The following DENND1A variants were observed in gnomAD, a reference collection of about 807,000 sequenced individuals.
DENND1A encodes the protein DENN domain-containing protein 1A.
DENND1A carries 51 observed loss-of-function variants against 113.7 expected under a neutral mutation model. The observed-to-expected ratio is 0.45, with a 90% CI of 0.36 to 0.57. The LOEUF (loss-of-function observed/expected upper bound fraction) is 0.57. Ranked by LOEUF, DENND1A falls within the 20% of genes least tolerant of loss-of-function variation. The pLI is 0.00. For synonymous variants in DENND1A, 565 were observed against 570.8 expected, an observed-to-expected ratio of 0.99 and a Z score of 0.14; for missense variants, 1,258 against 1,395.9, an observed-to-expected ratio of 0.90 and a Z score of 1.57.
chr9:123,626,312 C>T (rs551969297), intron 10 of DENND1A, among the ~76,000 whole-genome samples: 42 of 151,556 alleles, frequency 2.8e-4, no homozygotes, highest in Non-Finnish European at 4.4e-4. Context: ...TGAAGGTGGG[C>T]GCGTCTGTGT....
At chr9:123,877,114 C>A (rs1013940106) in intron 2 of DENND1A, among the ~76,000 whole-genome samples, 1 of 152,114 alleles carries the variant, frequency 6.6e-6, no homozygotes, top group Non-Finnish European at 1.5e-5. Context: ...GTGATGGGTA[C>A]ACTAAAAGCC....
chr9:123,604,882 A>G (rs1277188175), intron 11 of DENND1A, among the ~76,000 whole-genome samples: 1 of 152,216 alleles, frequency 6.6e-6, no homozygotes, highest in East Asian at 1.9e-4. Context: ...GAAGGCCACT[A>G]AAGAAGTAAA....
At chr9:123,514,828 T>C (rs2053764893) in intron 13 of DENND1A, among the ~76,000 whole-genome samples, 1 of 152,052 alleles carries the variant, frequency 6.6e-6, no homozygotes, top group Non-Finnish European at 1.5e-5. Context: ...TAATACCAAG[T>C]AGGAATGAGT....
intron 13 of DENND1A, among the ~76,000 whole-genome samples, chr9:123,512,012 A>G (rs2053498707): frequency 6.6e-6 from 1 of 152,212 alleles, no homozygotes; most frequent in Admixed American, 6.5e-5. Flanking sequence ...AAAGGGAGAG[A>G]GGAGAAGAAT....
intron 19 of DENND1A, among the ~76,000 whole-genome samples, chr9:123,412,755 C>T (rs1042278479): frequency 1.4e-4 from 22 of 152,294 alleles, no homozygotes; most frequent in African/African-American, 5.3e-4. Context: ...TAAAAATTCA[C>T]GCGAGACCCA....
intron 12 of DENND1A, among the ~76,000 whole-genome samples, chr9:123,581,620 G>A (rs1172359895): frequency 1.3e-5 from 2 of 149,040 alleles, no homozygotes; most frequent in African/African-American, 5.0e-5. Context: ...GCCAGACACT[G>A]TTTCAAAAAA....
intron 8 of DENND1A, among the ~76,000 whole-genome samples, chr9:123,655,187 A>G (rs943763307): frequency 1.3e-5 from 2 of 152,136 alleles, no homozygotes; most frequent in African/African-American, 4.8e-5. Context: ...GTTCTCCTGT[A>G]TGCTTCCATT....
At chr9:123,629,150 C>A (rs145451306) in intron 10 of DENND1A, among the ~76,000 whole-genome samples, 1 of 152,184 alleles carries the variant, frequency 6.6e-6, no homozygotes. Context: ...GAATGGAGAT[C>A]CCAGCAAAAG....
intron 12 of DENND1A, among the ~76,000 whole-genome samples, chr9:123,577,000 G>C (rs914832624): frequency 6.6e-6 from 1 of 151,822 alleles, no homozygotes; most frequent in African/African-American, 2.4e-5. Context: ...TGAGCTTCTT[G>C]GAGCTCTGAG....
At chr9:123,525,748 T>C (rs886962226) in intron 13 of DENND1A, among the ~76,000 whole-genome samples, 4 of 146,390 alleles carry the variant, frequency 2.7e-5, no homozygotes, top group African/African-American at 1.0e-4. Context: ...ACCCAGCTAG[T>C]GCAGTCTACC....
chr9:123,730,594 A>T (rs1175292954), intron 5 of DENND1A, among the ~76,000 whole-genome samples: 1 of 152,232 alleles, frequency 6.6e-6, no homozygotes, highest in Non-Finnish European at 1.5e-5. Context: ...ATCATTAAAA[A>T]GTCAGGAAAC....
intron 3 of DENND1A, among the ~76,000 whole-genome samples, chr9:123,780,366 T>C (rs1831123419): frequency 6.6e-6 from 1 of 152,164 alleles, no homozygotes; most frequent in African/African-American, 2.4e-5. Flanking sequence ...CCCCAGAGTA[T>C]CTGGCACAGA....
Position 123,457,846 on chromosome 9 carries a change from C to G in DENND1A, c.1045G>C (p.Gly349Arg). 6.2e-7 allele frequency: 1 copy of G among 1,612,792 alleles called. No individual in the cohort carries two copies. Among genetic ancestry groups the G allele is most frequent in the Non-Finnish European group, 8.5e-7 (1 of 1,179,488 alleles). The change falls in exon 14 of 24, where the codon GGA becomes CGA. Residue 349 changes from glycine to arginine, a missense_variant. Transcript: ENST00000394215. ...EEAFVSHYRS[G>R]AMRQFLQNAT... is the part of the protein sequence containing the mutation. ...TTCTGCAGGAACTGCCTCATGGCTCCGGAGCGGTAGTGGGACACGAAGGCT... is the reference window on the plus strand; with the variant it reads ...TTCTGCAGGAACTGCCTCATGGCTCGGGAGCGGTAGTGGGACACGAAGGCT...
At chr9:123,428,178 G>C (rs910433514) in intron 19 of DENND1A, among the ~76,000 whole-genome samples, 4 of 152,080 alleles carry the variant, frequency 2.6e-5, no homozygotes, top group African/African-American at 9.7e-5. Context: ...AACGAATCCA[G>C]CAGCACATCA....
intron 13 of DENND1A, among the ~76,000 whole-genome samples, chr9:123,523,673 G>A (rs1403853987): frequency 6.6e-6 from 1 of 152,206 alleles, no homozygotes; most frequent in African/African-American, 2.4e-5. Flanking sequence ...AAGAGCGAAG[G>A]CCAGAAATGT....
At chr9:123,527,512 T>C (rs1480074519) in intron 13 of DENND1A, among the ~76,000 whole-genome samples, 2 of 152,152 alleles carry the variant, frequency 1.3e-5, no homozygotes, top group African/African-American at 4.8e-5. Context: ...CTGGAGGATG[T>C]TCCCTCTCAC....
At position 123,473,993 on chromosome 9, in the gene DENND1A, T is replaced by C. The variant is rs1291360841; in HGVS notation, c.994-16096A>G. On this transcript the variant is annotated intron_variant, in intron 13 of 23. Transcript: ENST00000394215. ...GTAACGTTTACTTTCTTTCTTTTTT[T>C]TTTTTTTTTTTTTTTTTTTGAGATG... Among the ~76,000 whole-genome samples, 555 of 132,626 alleles carry C rather than the reference T, an allele frequency of 4.2e-3. 3 individuals carry two copies. The highest frequency in any genetic ancestry group is 0.023 in the East Asian group (103 of 4,544). 87.0% of individuals were successfully genotyped at this position (132,626 alleles called of 152,430 possible).
chr9:123,620,910 A>G (rs2138221422), intron 10 of DENND1A, among the ~76,000 whole-genome samples: 1 of 152,248 alleles, frequency 6.6e-6, no homozygotes, highest in East Asian at 1.9e-4. Context: ...TTGGTGAAGT[A>G]GTGTTTCCTC....
intron 13 of DENND1A, among the ~76,000 whole-genome samples, chr9:123,518,039 TG>T (rs2054086298): frequency 6.6e-6 from 1 of 152,200 alleles, no homozygotes. Flanking sequence ...CCTTTTTTCC[TG>T]GCATAAATTT....
Sources: gnomAD v4.1 joint callset for allele counts (sites outside exome capture counted in the v4.1 genomes callset) on GRCh38, gnomAD v4.1.1 for gene constraint, MANE v1.5 for transcripts, NCBI Gene and HGNC (gene_info 2026-07-23, HGNC 2026-07-21) for gene names.